SLCO3A1: variants seen among roughly 807,000 people sequenced by gnomAD.
SLCO3A1 encodes the protein solute carrier organic anion transporter family member 3A1.
A neutral mutation model predicts 63.1 loss-of-function variants in SLCO3A1; 27 were observed. The ratio of observed to expected loss-of-function variants is 0.43; its 90% CI spans 0.32 to 0.59. The LOEUF (loss-of-function observed/expected upper bound fraction) is 0.59. Ranked by LOEUF, SLCO3A1 falls within the 20% of genes least tolerant of loss-of-function variation. The pLI, the probability that SLCO3A1 is intolerant of heterozygous loss-of-function variation, is 0.09. For missense variants in SLCO3A1, 773 were observed against 945.8 expected, an observed-to-expected ratio of 0.82 and a Z score of 2.40; for synonymous variants, 473 against 409.9, an observed-to-expected ratio of 1.15 and a Z score of -1.86.
At chr15:92,139,733 A>G (rs996261420) in intron 7 of SLCO3A1, among the ~76,000 whole-genome samples, 1 of 152,028 alleles carries the variant, frequency 6.6e-6, no homozygotes, top group African/African-American at 2.4e-5. Flanking sequence ...GAATTTATCC[A>G]TTTCTTCTAG....
At chr15:91,966,557 G>A (rs1192421382) in intron 2 of SLCO3A1, among the ~76,000 whole-genome samples, 2 of 152,172 alleles carry the variant, frequency 1.3e-5, no homozygotes, top group African/African-American at 4.8e-5. Context: ...TTCAGGATAT[G>A]ATCCTTTCAG....
At chr15:92,085,313 C>A (rs2047392018) in intron 2 of SLCO3A1, among the ~76,000 whole-genome samples, 1 of 152,226 alleles carries the variant, frequency 6.6e-6, no homozygotes, top group Non-Finnish European at 1.5e-5. Flanking sequence ...AAGGAGCTGC[C>A]TTTGAATAGC....
At chr15:92,071,368 A>G (rs1478493064) in intron 2 of SLCO3A1, among the ~76,000 whole-genome samples, 1 of 152,220 alleles carries the variant, frequency 6.6e-6, no homozygotes, top group Admixed American at 6.5e-5. Flanking sequence ...GCAGCGAGCA[A>G]GGCAAATGAA....
chr15:92,048,244 C>G (rs1259380856), intron 2 of SLCO3A1, among the ~76,000 whole-genome samples: 1 of 152,116 alleles, frequency 6.6e-6, no homozygotes, highest in African/African-American at 2.4e-5. Context: ...AAACATCAGT[C>G]CAGGGACCTG....
chr15:91,997,819 G>A (rs1450338951), intron 2 of SLCO3A1, among the ~76,000 whole-genome samples: 1 of 152,182 alleles, frequency 6.6e-6, no homozygotes, highest in Non-Finnish European at 1.5e-5. Context: ...GCGGAAGACT[G>A]AAACTGGACC....
chr15:92,163,229 G>GTA lies in SLCO3A1; in HGVS notation c.*95_*96dup. On this transcript the variant is annotated 3_prime_UTR_variant, in exon 10 of 10. Coordinates refer to ENST00000318445, the MANE Select transcript of SLCO3A1 (RefSeq NM_013272.4). ...AGGTTCCAAAAAAAACCAAAACTCA[G>GTA]TACACACACACAGGCACAGATGCAC... is the stretch of plus-strand genomic sequence containing the variant. The GTA allele has an allele frequency of 1.4e-6, 2 of 1,441,542 alleles. No individual in the cohort carries two copies. Among genetic ancestry groups the GTA allele is most frequent in the Non-Finnish European group, 1.8e-6 (2 of 1,105,950 alleles). The allele number at this position is 1,441,542 out of a possible 1,614,324, so 89.3% of individuals were successfully genotyped here.
chr15:92,001,793 G>A (rs563154449), intron 2 of SLCO3A1, among the ~76,000 whole-genome samples: 3 of 148,086 alleles, frequency 2.0e-5, no homozygotes, highest in Admixed American at 6.7e-5. Context: ...TTTTAGAAAC[G>A]TGACGACTGA....
At chr15:91,902,975 C>T (rs1767137668) in intron 1 of SLCO3A1, among the ~76,000 whole-genome samples, 1 of 152,214 alleles carries the variant, frequency 6.6e-6, no homozygotes, top group African/African-American at 2.4e-5. Context: ...GAAATGGATT[C>T]ATCTACATAG....
chr15:91,890,214 T>C (rs557295435), intron 1 of SLCO3A1, among the ~76,000 whole-genome samples: 10 of 152,354 alleles, frequency 6.6e-5, no homozygotes, highest in African/African-American at 2.4e-4. Flanking sequence ...TTAATACACG[T>C]ATACCCACTG....
chr15:92,095,833 C>T (rs1778521757), intron 3 of SLCO3A1, among the ~76,000 whole-genome samples: 1 of 152,106 alleles, frequency 6.6e-6, no homozygotes, highest in African/African-American at 2.4e-5. Flanking sequence ...CCATCCTGAC[C>T]CCAGCTTGCA....
chr15:92,078,139 C>A (rs1193893052), intron 2 of SLCO3A1, among the ~76,000 whole-genome samples: 2 of 152,150 alleles, frequency 1.3e-5, no homozygotes, highest in African/African-American at 4.8e-5. Context: ...AGTGGGCTTT[C>A]CACTGTGGAG....
At position 92,164,335 on chromosome 15, in the gene SLCO3A1, G is replaced by T; in HGVS notation, c.*1200G>T. 1.0e-6 allele frequency: 1 copy of T among 985,072 alleles called. No homozygotes were observed. Among genetic ancestry groups the T allele is most frequent in the Non-Finnish European group, 1.2e-6 (1 of 829,654 alleles). The allele number at this position is 985,072 out of a possible 1,614,324, so 61.0% of individuals were successfully genotyped here. On this transcript the variant is annotated 3_prime_UTR_variant, in exon 10 of 10. Transcript: ENST00000318445. Reference sequence around the variant, plus strand: ...AGAAGAAAAAAAAATGCTTCAAAAAGAGAGTGTATATGCAGCCTGCCTTTA... The same window carrying T: ...AGAAGAAAAAAAAATGCTTCAAAAATAGAGTGTATATGCAGCCTGCCTTTA...
chr15:92,037,619 C>G (rs769775543), intron 2 of SLCO3A1, among the ~76,000 whole-genome samples: 1 of 152,148 alleles, frequency 6.6e-6, no homozygotes, highest in Non-Finnish European at 1.5e-5. Context: ...TCTATAACAC[C>G]AGGTTTGCAT....
intron 1 of SLCO3A1, among the ~76,000 whole-genome samples, chr15:91,896,107 C>T (rs554913053): frequency 1.3e-5 from 2 of 152,266 alleles, no homozygotes; most frequent in African/African-American, 4.8e-5. Context: ...ACAGCTAACT[C>T]CAGAGATAAA....
chr15:91,893,351 G>T (rs556423897), intron 1 of SLCO3A1, among the ~76,000 whole-genome samples: 9 of 152,314 alleles, frequency 5.9e-5, no homozygotes, highest in African/African-American at 2.2e-4. Flanking sequence ...ACCATAAACT[G>T]GGTGGCTTAG....
intron 2 of SLCO3A1, among the ~76,000 whole-genome samples, chr15:91,978,450 A>AT (rs1266569143): frequency 6.6e-6 from 1 of 152,178 alleles, no homozygotes; most frequent in Non-Finnish European, 1.5e-5. Flanking sequence ...AGAGTTCTTA[A>AT]TTACCCAAGC....
chr15:91,915,058 A>G (rs1898608924), intron 1 of SLCO3A1, among the ~76,000 whole-genome samples: 4 of 152,154 alleles, frequency 2.6e-5, no homozygotes, highest in Admixed American at 2.6e-4. Flanking sequence ...GAGGGTAGCC[A>G]TCTCATTTTC....
chr15:91,987,376 G>A (rs1382246895), intron 2 of SLCO3A1, among the ~76,000 whole-genome samples: 1 of 152,052 alleles, frequency 6.6e-6, no homozygotes, highest in Non-Finnish European at 1.5e-5. Context: ...TTATGCTCTG[G>A]GGATACAACG....
At chr15:92,105,042 G>A (rs1446916468) in intron 4 of SLCO3A1, among the ~76,000 whole-genome samples, 1 of 151,888 alleles carries the variant, frequency 6.6e-6, no homozygotes, top group Non-Finnish European at 1.5e-5. Context: ...CAAGGCAGGT[G>A]GATCACTTGA....
Sources: gnomAD v4.1 joint callset for allele counts (sites outside exome capture counted in the v4.1 genomes callset) on GRCh38, gnomAD v4.1.1 for gene constraint, MANE v1.5 for transcripts, NCBI Gene and HGNC (gene_info 2026-07-23, HGNC 2026-07-21) for gene names.